The following AGBL1 variants were observed in gnomAD, a reference collection of about 807,000 sequenced individuals.
AGBL1 encodes AGBL carboxypeptidase 1.
AGBL1 carries 130 observed loss-of-function variants against 118.9 expected under a neutral mutation model. The observed-to-expected ratio is 1.09, with a 90% confidence interval of 0.95 to 1.26. The LOEUF is 1.26. Ranked by LOEUF, AGBL1 falls within the 50% of genes most tolerant of loss-of-function variation. AGBL1 has a pLI of 0.00. For missense variants in AGBL1, 1,584 were observed against 1,298.1 expected (o/e 1.22, Z -3.38); for synonymous variants, 555 against 478.9 (o/e 1.16, Z -2.08).
intron 24 of AGBL1, among the ~76,000 whole-genome samples, chr15:87,025,935 T>G (rs1320013605): frequency 6.6e-6 from 1 of 152,088 alleles, no homozygotes; most frequent in Non-Finnish European, 1.5e-5. Flanking sequence ...CAAATGGTGC[T>G]GGGATAATTG....
rs566628953 is a variant in AGBL1 at position 86,158,326 on chromosome 15, C to T, written c.395-607C>T. 4.6e-5 allele frequency among the ~76,000 whole-genome samples: 7 copies of T among 152,314 alleles called. No homozygotes were observed. In the South Asian group the frequency reaches 1.2e-3, roughly 27 times the overall value. On this transcript the variant is annotated intron_variant, in intron 4 of 22. Transcript: ENST00000614907. Reference sequence around the variant, plus strand: ...ATCCACCCTTGTTTCCCTCTCTTTGCTTCTCTAAGACCTCTTGTTCCCACT... The same window carrying T: ...ATCCACCCTTGTTTCCCTCTCTTTGTTTCTCTAAGACCTCTTGTTCCCACT...
chr15:86,332,132 T>C (rs1400113050), intron 17 of AGBL1, among the ~76,000 whole-genome samples: 1 of 152,018 alleles, frequency 6.6e-6, no homozygotes, highest in Non-Finnish European at 1.5e-5. Context: ...TTTTATTAAA[T>C]AAAACAATGT....
chr15:86,454,125 G>A (rs1951116942), intron 18 of AGBL1, among the ~76,000 whole-genome samples: 1 of 152,100 alleles, frequency 6.6e-6, no homozygotes, highest in Admixed American at 6.5e-5. Context: ...TCTTCACCAT[G>A]TATGGAAGAC....
At position 86,646,465 on chromosome 15, in the gene AGBL1, A is replaced by G. The variant is rs562446803; in HGVS notation, c.2995-27808A>G. On this transcript the variant is annotated intron_variant, in intron 21 of 22. Transcript: ENST00000614907. ...TTTTGTTTTCAATTTCTTTGTTTCT[A>G]TTATCCTCATCTTTCTGTTTACTTT... is the stretch of plus-strand genomic sequence containing the variant. 1.1e-3 allele frequency among the ~76,000 whole-genome samples: 173 copies of G among 152,024 alleles called. 1 individual carries two copies. Among genetic ancestry groups the G allele is most frequent in the South Asian group, 4.8e-3 (23 of 4,806 alleles).
chr15:86,159,299 C>T (rs1156819937), intron 5 of AGBL1, among the ~76,000 whole-genome samples: 2 of 152,110 alleles, frequency 1.3e-5, no homozygotes, highest in Non-Finnish European at 2.9e-5. Flanking sequence ...TCCAAGGTCC[C>T]TGTGGTAGCA....
At position 86,915,526 on chromosome 15, in the gene AGBL1, C is replaced by G. The variant is rs2080409027; in HGVS notation, c.*8232C>G. On this transcript the variant is annotated 3_prime_UTR_variant, in exon 23 of 23. Transcript: ENST00000614907. ...CCATTATGTGCTTAAATGTAGGCTC[C>G]TCCAAGAAGTCTCCCATGATCTGAT... 6.6e-6 allele frequency: 1 copy of G among 152,170 alleles called. No individual in the cohort carries two copies. Among genetic ancestry groups the G allele is most frequent in the African/African-American group, 2.4e-5 (1 of 41,434 alleles). 9.4% of individuals were successfully genotyped at this position (152,170 alleles called of 1,614,324 possible). A position where few individuals can be genotyped will look rare whatever the true frequency, so the allele number is the denominator to read the frequency against.
At chr15:86,599,261 AT>A (rs201704732) in intron 21 of AGBL1, among the ~76,000 whole-genome samples, 3,853 of 152,130 alleles carry the variant, frequency 0.025, 155 homozygotes, top group African/African-American at 0.087. Context: ...CTATAGTCAT[AT>A]GTTTTTCCCC....
chr15:86,921,264 G>A (rs1440123763), intron 23 of AGBL1, among the ~76,000 whole-genome samples: 2 of 152,156 alleles, frequency 1.3e-5, no homozygotes, highest in Non-Finnish European at 2.9e-5. Context: ...GTTCCAGCCT[G>A]TGGATGGGAC....
intron 18 of AGBL1, among the ~76,000 whole-genome samples, chr15:86,418,442 C>T (rs2081733026): frequency 6.6e-6 from 1 of 152,296 alleles, no homozygotes; most frequent in African/African-American, 2.4e-5. Flanking sequence ...ACAGCTGGAA[C>T]AATTCCCAAA....
chr15:86,711,972 G>C (rs911727856), intron 22 of AGBL1, among the ~76,000 whole-genome samples: 1 of 152,090 alleles, frequency 6.6e-6, no homozygotes, highest in Admixed American at 6.6e-5. Context: ...TGCAAGGTGG[G>C]TCTTATTTCT....
At chr15:86,280,338 G>A (rs1432817826) in intron 16 of AGBL1, among the ~76,000 whole-genome samples, 3 of 152,164 alleles carry the variant, frequency 2.0e-5, no homozygotes, top group Middle Eastern at 3.2e-3. Context: ...CTAGATCATT[G>A]CAACAGACAG....
At chr15:86,877,377 C>T (rs1436839841) in intron 22 of AGBL1, among the ~76,000 whole-genome samples, 2 of 152,152 alleles carry the variant, frequency 1.3e-5, no homozygotes, top group Non-Finnish European at 2.9e-5. Flanking sequence ...CTAGTCTTGG[C>T]CGGCATGCTC....
At chr15:86,970,358 T>G (rs913243784) in intron 23 of AGBL1, among the ~76,000 whole-genome samples, 3 of 152,004 alleles carry the variant, frequency 2.0e-5, no homozygotes, top group Non-Finnish European at 4.4e-5. Flanking sequence ...TGCTTATTGT[T>G]GTCATTTATG....
intron 5 of AGBL1, among the ~76,000 whole-genome samples, chr15:86,211,847 C>G (rs2078104296): frequency 6.6e-6 from 1 of 152,126 alleles, no homozygotes; most frequent in Non-Finnish European, 1.5e-5. Context: ...TGGGCTATAC[C>G]CACTGTCCCA....
Position 86,592,531 on chromosome 15 carries a change from T to G in AGBL1, c.2994+37994T>G, listed in dbSNP as rs939055967. Among the ~76,000 whole-genome samples the G allele has an allele frequency of 9.2e-5, 14 of 152,226 alleles. 1 individual carries two copies. The highest frequency in any genetic ancestry group is 7.3e-5 in the Non-Finnish European group (5 of 68,034). The stretch of plus-strand genomic sequence containing the variant: ...TTGATTTTTCCCTTGGGGTGCACTG[T>G]GCGCATGCACAGTGGCCTGCCAGCA... On this transcript the variant is annotated intron_variant, in intron 21 of 22. Coordinates refer to ENST00000614907, the MANE Select transcript of AGBL1 (RefSeq NM_001386094.1).
At chr15:86,446,320 T>G (rs1034699124) in intron 18 of AGBL1, among the ~76,000 whole-genome samples, 1 of 152,218 alleles carries the variant, frequency 6.6e-6, no homozygotes, top group Non-Finnish European at 1.5e-5. Context: ...GTTCTGTTCT[T>G]TTCCCTCTCC....
chr15:86,093,200 A>T (rs1455949154), intron 1 of AGBL1, among the ~76,000 whole-genome samples: 1 of 152,200 alleles, frequency 6.6e-6, no homozygotes, highest in African/African-American at 2.4e-5. Context: ...GCTAGTCTTC[A>T]CATAGAGCCA....
intron 22 of AGBL1, among the ~76,000 whole-genome samples, chr15:86,702,327 T>C (rs1369017619): frequency 6.6e-6 from 1 of 152,068 alleles, no homozygotes; most frequent in Non-Finnish European, 1.5e-5. Context: ...TTTCATCAAG[T>C]CCACTAGAGT....
chr15:86,723,152 G>T (rs1200382753), intron 22 of AGBL1, among the ~76,000 whole-genome samples: 2 of 152,200 alleles, frequency 1.3e-5, no homozygotes, highest in Non-Finnish European at 2.9e-5. Flanking sequence ...TCCCATTACT[G>T]AGTGTATGTC....
Sources: gnomAD v4.1 joint callset for allele counts (sites outside exome capture counted in the v4.1 genomes callset) on GRCh38, gnomAD v4.1.1 for gene constraint, MANE v1.5 for transcripts, NCBI Gene and HGNC (gene_info 2026-07-23, HGNC 2026-07-21) for gene names.